The following ITGAV variants were observed in gnomAD, a reference collection of about 807,000 sequenced individuals.
The protein encoded by ITGAV is integrin alpha-V.
A neutral mutation model predicts 143.8 loss-of-function variants in ITGAV; 76 were observed. The ratio of observed to expected loss-of-function variants is 0.53; its 90% confidence interval spans 0.44 to 0.64. The LOEUF is 0.64. Ranked by LOEUF, ITGAV falls within the 30% of genes least tolerant of loss-of-function variation. The pLI is 0.00. For missense variants in ITGAV, 1,193 were observed against 1,274.7 expected (o/e 0.94, Z 0.98); for synonymous variants, 453 against 446.7 (o/e 1.01, Z -0.18).
At chr2:186,652,700 C>T (rs1574492269) in intron 15 of ITGAV, among the ~76,000 whole-genome samples, 2 of 152,210 alleles carry the variant, frequency 1.3e-5, no homozygotes, top group South Asian at 2.1e-4. Flanking sequence ...TGAACACTTA[C>T]ATTTTTAAAA....
intron 2 of ITGAV, among the ~76,000 whole-genome samples, chr2:186,607,311 A>G (rs1687094539): frequency 6.6e-6 from 1 of 152,184 alleles, no homozygotes. Flanking sequence ...TAATTATATG[A>G]TGTGGGAGAT....
chr2:186,622,219 C>T (rs953403059), intron 2 of ITGAV, 120 bp from the exon 3 acceptor site: 1 of 661,818 alleles, frequency 1.5e-6, no homozygotes, highest in Admixed American at 2.7e-5. Context: ...GAAAAATAAC[C>T]AGTGGAATAT....
rs758384680 is a variant in ITGAV, at chr2:186,651,977, G to A, written c.1398-5G>A. Reference sequence around the variant, plus strand: ...TACTTCATCTTCTTTTCCCTCCCCCGCTAGGGCCAGACCAGTTATCACTGT... The same window carrying A: ...TACTTCATCTTCTTTTCCCTCCCCCACTAGGGCCAGACCAGTTATCACTGT... On this transcript the variant is annotated splice_region_variant and splice_polypyrimidine_tract_variant and intron_variant, in intron 14 of 29. Transcript: ENST00000261023. 20 of 1,562,208 alleles carry A rather than the reference G, an allele frequency of 1.3e-5. No homozygotes were observed. The highest frequency in any genetic ancestry group is 8.2e-5 in the African/African-American group (6 of 73,142).
chr2:186,660,608 ATTGTAATTTTTAAT>A (rs1163103853), intron 18 of ITGAV: 30 of 152,188 alleles, frequency 2.0e-4, no homozygotes, highest in East Asian at 9.6e-4. Flanking sequence ...CAAAGTTTTA[ATTGTAATTTTTAAT>A]TTGTAATTTT....
intron 16 of ITGAV, among the ~76,000 whole-genome samples, chr2:186,654,996 C>T (rs1688544443): frequency 6.6e-6 from 1 of 152,076 alleles, no homozygotes; most frequent in Non-Finnish European, 1.5e-5. Flanking sequence ...ATAATGAACT[C>T]TGGGGAAATA....
chr2:186,675,114 T>A (rs1689172051), intron 26 of ITGAV, among the ~76,000 whole-genome samples: 1 of 152,202 alleles, frequency 6.6e-6, no homozygotes, highest in African/African-American at 2.4e-5. Flanking sequence ...GCTGCCAACC[T>A]CGAAGTTACT....
In ITGAV at chr2:186,679,669, T is replaced by A. The variant is rs1271740954; in HGVS notation, c.*2377T>A. 2.0e-5 allele frequency: 3 copies of A among 152,008 alleles called. No individual in the cohort carries two copies. Among genetic ancestry groups the A allele is most frequent in the Non-Finnish European group, 2.9e-5 (2 of 67,878 alleles). 9.4% of individuals were successfully genotyped at this position (152,008 alleles called of 1,614,324 possible). On this transcript the variant is annotated 3_prime_UTR_variant, in exon 30 of 30. Coordinates refer to ENST00000261023, the MANE Select transcript of ITGAV (RefSeq NM_002210.5). ...GAAAACATGAATGAACTAGAAGATA[T>A]TAAAAACATTTGACATTGGTAAGAA...
intron 1 of ITGAV, among the ~76,000 whole-genome samples, chr2:186,597,236 C>A (rs1422861454): frequency 6.6e-6 from 1 of 152,134 alleles, no homozygotes; most frequent in Non-Finnish European, 1.5e-5. Flanking sequence ...TTGTTGAAGG[C>A]CTTCTCCTAA....
intron 14 of ITGAV, among the ~76,000 whole-genome samples, chr2:186,650,170 T>A (rs1688385634): frequency 6.6e-6 from 1 of 152,216 alleles, no homozygotes; most frequent in South Asian, 2.1e-4. Flanking sequence ...CATTTATTTG[T>A]GTTGGGAACA....
intron 14 of ITGAV, among the ~76,000 whole-genome samples, chr2:186,650,933 A>T (rs896257321): frequency 6.6e-6 from 1 of 152,202 alleles, no homozygotes; most frequent in African/African-American, 2.4e-5. Context: ...ACATTTTCCT[A>T]TAAGAAGCAG....
chr2:186,628,751 G>A (rs1687743041), intron 4 of ITGAV, among the ~76,000 whole-genome samples: 1 of 152,024 alleles, frequency 6.6e-6, no homozygotes, highest in Non-Finnish European at 1.5e-5. Flanking sequence ...GCTTTCTGAT[G>A]CTAATATTAT....
chr2:186,671,988 G>A (rs991360185), intron 26 of ITGAV, among the ~76,000 whole-genome samples: 1 of 126,196 alleles, frequency 7.9e-6, no homozygotes, highest in South Asian at 2.5e-4. Flanking sequence ...GTCTCGCTCT[G>A]TCACCCAGGC....
At chr2:186,670,967 C>T (rs1010101083) in intron 26 of ITGAV, among the ~76,000 whole-genome samples, 2 of 152,132 alleles carry the variant, frequency 1.3e-5, no homozygotes, top group Non-Finnish European at 2.9e-5. Flanking sequence ...GGACCTCATG[C>T]TTGACTCCTC....
chr2:186,673,402 G>A (rs1048005878), intron 26 of ITGAV, among the ~76,000 whole-genome samples: 3 of 152,208 alleles, frequency 2.0e-5, no homozygotes, highest in South Asian at 4.1e-4. Flanking sequence ...AGTCCCTTGC[G>A]ATTCCATGTG....
intron 1 of ITGAV, among the ~76,000 whole-genome samples, chr2:186,592,534 G>C (rs1017777450): frequency 1.3e-5 from 2 of 150,742 alleles, no homozygotes; most frequent in Non-Finnish European, 2.9e-5. Context: ...AGTGCTCTGA[G>C]TTTAGTGTAA....
At chr2:186,629,734 TG>T (rs1687767631) in intron 4 of ITGAV, among the ~76,000 whole-genome samples, 1 of 152,066 alleles carries the variant, frequency 6.6e-6, no homozygotes, top group African/African-American at 2.4e-5. Context: ...TTCCTGTATT[TG>T]GGTGGCAAAC....
intron 1 of ITGAV, among the ~76,000 whole-genome samples, chr2:186,599,914 C>G (rs1485832049): frequency 6.6e-6 from 1 of 152,222 alleles, no homozygotes; most frequent in South Asian, 2.1e-4. Flanking sequence ...CACCCACCCT[C>G]TTACTGCAGA....
At position 186,675,700 on chromosome 2, in the gene ITGAV, A is replaced by G. The variant is rs755351300; in HGVS notation, c.2803A>G (p.Thr935Ala). 1 of 1,611,780 alleles carries G rather than the reference A, an allele frequency of 6.2e-7. No individual in the cohort carries two copies. Among genetic ancestry groups the G allele is most frequent in the South Asian group, 1.1e-5 (1 of 91,038 alleles). The change falls in exon 27 of 30, where the codon ACT (threonine) becomes GCT (alanine). Residue 935 changes from threonine to alanine, a missense_variant. By Grantham distance (58) the Thr-to-Ala change is moderately conservative. Transcript: ENST00000261023. ...AILYVKSLLW[T>A]ETFMNKENQN... is the part of the protein sequence containing the mutation. ...CTTGTACGTAAAGTCATTACTGTGG[A>G]CTGAGACTTTTATGAATGTAAGTAG...
intron 2 of ITGAV, among the ~76,000 whole-genome samples, chr2:186,615,003 C>T (rs533318307): frequency 6.6e-6 from 1 of 152,038 alleles, no homozygotes; most frequent in Non-Finnish European, 1.5e-5. Context: ...TGTCCAACAT[C>T]AGTCTCTCCC....
Sources: gnomAD v4.1 joint callset for allele counts (sites outside exome capture counted in the v4.1 genomes callset) on GRCh38, gnomAD v4.1.1 for gene constraint, MANE v1.5 for transcripts, NCBI Gene and HGNC (gene_info 2026-07-23, HGNC 2026-07-21) for gene names.